PRSS12: variants seen among roughly 807,000 people sequenced by gnomAD.
The protein encoded by PRSS12 is neurotrypsin.
Under a neutral mutation model 104.4 loss-of-function variants are expected in PRSS12, and 85 were observed. The ratio of observed to expected loss-of-function variants is 0.81; its 90% confidence interval spans 0.68 to 0.98. The LOEUF (loss-of-function observed/expected upper bound fraction) is 0.98, where lower values mean the gene tolerates loss of function less well. PRSS12 is among the 50% of genes least tolerant of loss of function. The probability of loss-of-function intolerance (pLI) is 0.00; values close to 1 mark genes in which losing one functional copy is unlikely to be tolerated. For synonymous variants in PRSS12, 454 were observed against 425.2 expected (o/e 1.07, Z -0.83); for missense variants, 1,141 against 1,139.2 (o/e 1.00, Z -0.02).
Position 118,316,211 on chromosome 4 carries a change from T to G in PRSS12, c.1263A>C (p.Thr421=). ...VCDDGWTELN[T]YVVCRQLGFK... is the part of the protein sequence containing the mutation. Reference sequence around the variant, plus strand: ...ATCCCAATTGTCGACAAACCACGTATGTATTCAGCTCAGTCCAGCCATCAT... The same window carrying G: ...ATCCCAATTGTCGACAAACCACGTAGGTATTCAGCTCAGTCCAGCCATCAT... Residue 421 remains threonine (T), a synonymous_variant, in exon 6 of 13, where the codon ACA becomes ACC. Coordinates refer to ENST00000296498, the MANE Select transcript of PRSS12 (RefSeq NM_003619.4). The G allele has an allele frequency of 1.2e-6, 2 of 1,614,102 alleles. No individual in the cohort carries two copies. The highest frequency in any genetic ancestry group is 1.3e-5 in the African/African-American group (1 of 75,024).
In PRSS12 at chr4:118,352,515, G is replaced by A; in HGVS notation, c.206C>T (p.Pro69Leu). The change falls in exon 1 of 13, where the codon CCG becomes CTG. Residue 69 changes from proline to leucine, a missense_variant. Coordinates refer to ENST00000296498, the MANE Select transcript of PRSS12 (RefSeq NM_003619.4). ...CGGGCGCTGGGCAGGGAGCGCCCGC[G>A]GGGGGCGCGGGAAGCGCGGGAGAGG... ...PPPLPRFPRPPRALPAQRPHA... is the reference protein window; with the variant it reads ...PPPLPRFPRPLRALPAQRPHA... 1.4e-6 allele frequency: 2 copies of A among 1,453,748 alleles called. No individual in the cohort carries two copies. The highest frequency in any genetic ancestry group is 1.8e-6 in the Non-Finnish European group (2 of 1,099,750). The allele number at this position is 1,453,748 out of a possible 1,614,324, so 90.1% of individuals were successfully genotyped here. A position where few individuals can be genotyped will look rare whatever the true frequency, so the allele number is the denominator to read the frequency against.
chr4:118,304,278 T>C (rs1312156875), intron 8 of PRSS12, among the ~76,000 whole-genome samples: 3 of 151,638 alleles, frequency 2.0e-5, no homozygotes, highest in Non-Finnish European at 4.4e-5. Context: ...AAATACAACT[T>C]CAAGGAGAAA....
intron 7 of PRSS12, among the ~76,000 whole-genome samples, chr4:118,310,284 C>T (rs767408639): frequency 5.7e-4 from 86 of 152,110 alleles, no homozygotes; most frequent in Non-Finnish European, 1.0e-3. Context: ...AACATTTGCA[C>T]ATGAAATTAG....
Position 118,307,136 on chromosome 4 carries a change from A to G in PRSS12, c.1631+1300T>C, listed in dbSNP as rs1368931055. ...AAAAGAAGTTTAAAATTAACCACTG[A>G]CCAAATTCACTTTCACATCTAATGT... On this transcript the variant is annotated intron_variant, in intron 8 of 12. Transcript: ENST00000296498. 5.9e-5 allele frequency among the ~76,000 whole-genome samples: 9 copies of G among 152,144 alleles called. No individual in the cohort carries two copies. The East Asian group carries it at 1.7e-3, about 29-fold the overall frequency.
In PRSS12 at chr4:118,299,775, AAAATAAAATAAAATAAAAT is replaced by A. The variant is rs1393910451; in HGVS notation, c.1632-856_1632-838del. ...TAAAATAAATAAAATTAAATAAAAT[AAAATAAAATAAAATAAAAT>A]AAATAAAATAAAATAAATAAAATAA... is the stretch of plus-strand genomic sequence containing the variant. On this transcript the variant is annotated intron_variant, in intron 8 of 12. Transcript: ENST00000296498. Among the ~76,000 whole-genome samples the A allele has an allele frequency of 2.5e-3, 156 of 61,666 alleles. 1 individual carries two copies. The highest frequency in any genetic ancestry group is 0.015 in the Admixed American group (77 of 5,278). 40.5% of individuals were successfully genotyped at this position (61,666 alleles called of 152,430 possible).
chr4:118,316,432 C>T, intron 5 of PRSS12, 109 bp from the exon 6 acceptor site: 6 of 1,394,424 alleles, frequency 4.3e-6, no homozygotes, highest in African/African-American at 1.4e-5. Context: ...TCACTCTAGG[C>T]CTTTTGCTAA....
In PRSS12 at chr4:118,295,806, G is replaced by A. The variant is rs199606749; in HGVS notation, c.1888C>T (p.Arg630Trp). 56 of 1,613,936 alleles carry A rather than the reference G, an allele frequency of 3.5e-5. No homozygotes were observed. In the Admixed American group the frequency reaches 4.5e-4, roughly 13 times the overall value. The stretch of plus-strand genomic sequence containing the variant: ...AAAGAATTTTTCCCACCAATGATCC[G>A]CTTCTGCCGACGGTGCAGTAATCTC... The part of the protein sequence containing the change: ...GLRLLHRRQK[R>W]IIGGKNSLRG... The change falls in exon 10 of 13, where the codon CGG becomes TGG. Residue 630 changes from arginine to tryptophan, a missense_variant. Physicochemically the swap from Arg to Trp is moderately radical, Grantham distance 101. Transcript: ENST00000296498.
At chr4:118,316,081 G>A in intron 6 of PRSS12, 101 bp downstream of exon 6, 3 of 1,304,420 alleles carry the variant, frequency 2.3e-6, no homozygotes, top group Non-Finnish European at 3.3e-6. Flanking sequence ...GAGAGAACAG[G>A]TATTTTTATT....
In PRSS12 at chr4:118,309,278, A is replaced by G. The variant is rs184108936; in HGVS notation, c.1490-701T>C. ...GATTTGTAAAGTGTCACATATCACC[A>G]CACCAATAATTATGATTTTGAATCG... On this transcript the variant is annotated intron_variant, in intron 7 of 12. Transcript: ENST00000296498. 9.1e-4 allele frequency among the ~76,000 whole-genome samples: 138 copies of G among 152,312 alleles called. 1 individual carries two copies. Among genetic ancestry groups the G allele is most frequent in the Non-Finnish European group, 1.5e-3 (101 of 68,032 alleles).
chr4:118,332,868 T>C (rs1723964156), intron 3 of PRSS12, among the ~76,000 whole-genome samples: 1 of 152,190 alleles, frequency 6.6e-6, no homozygotes, highest in Non-Finnish European at 1.5e-5. Flanking sequence ...ATATGCCTTG[T>C]ACAAGGTGTT....
rs1560774339 is a variant in PRSS12, at chr4:118,313,295, A to T, written c.1395T>A (p.Cys465Ter). 5 of 1,614,036 alleles carry T rather than the reference A, an allele frequency of 3.1e-6. No individual in the cohort carries two copies. The highest frequency in any genetic ancestry group is 4.2e-6 in the Non-Finnish European group (5 of 1,179,986). The change falls in exon 7 of 13, where the codon TGT (cysteine) becomes TGA (stop). Residue 465 changes from cysteine (C) to a stop codon, truncating the protein, a stop_gained. Coordinates refer to ENST00000296498, the MANE Select transcript of PRSS12 (RefSeq NM_003619.4). LOFTEE classifies it high-confidence loss of function. Reference protein sequence around the residue: ...CSGKETRFLQCSRRQWGRHDC... With the variant: ...CSGKETRFLQ ...CATGCCTTCCCCACTGTCGCCTGGA[A>T]CACTGAAGAAATCTGGTTTCCTTTC...
At chr4:118,307,470 C>A (rs2126031881) in intron 8 of PRSS12, among the ~76,000 whole-genome samples, 1 of 152,216 alleles carries the variant, frequency 6.6e-6, no homozygotes, top group South Asian at 2.1e-4. Flanking sequence ...ATCCAAATTA[C>A]TATTAGTAAT....
At position 118,282,295 on chromosome 4, in the gene PRSS12, T is replaced by A. The variant is rs115945024; in HGVS notation, c.2321-52A>T. ...GGCATTCCAGATAACCATCGCAACA[T>A]TTAACAGTTACTGAGCATGTAATAG... On this transcript the variant is annotated intron_variant, in intron 12 of 12. Coordinates refer to ENST00000296498, the MANE Select transcript of PRSS12 (RefSeq NM_003619.4). The A allele has an allele frequency of 7.9e-4, 1,259 of 1,600,374 alleles. 13 individuals carry two copies. In the African/African-American group the frequency reaches 0.016, roughly 20 times the overall value.
chr4:118,324,947 G>T lies in PRSS12; in HGVS notation c.972-6391C>A, dbSNP rs1451761392. Among the ~76,000 whole-genome samples, 3 of 152,026 alleles carry T rather than the reference G, an allele frequency of 2.0e-5. No individual in the cohort carries two copies. The East Asian group carries it at 5.8e-4, about 29-fold the overall frequency. On this transcript the variant is annotated intron_variant, in intron 4 of 12. Coordinates refer to ENST00000296498, the MANE Select transcript of PRSS12 (RefSeq NM_003619.4). ...GCTGGTCTCGAACTCCTGACATTGT[G>T]ATCCACCCGCCTCAGCCTCCCAAAG...
intron 8 of PRSS12, among the ~76,000 whole-genome samples, chr4:118,299,946 G>A (rs185556756): frequency 1.1e-4 from 16 of 148,012 alleles, no homozygotes; most frequent in Admixed American, 2.0e-4. Flanking sequence ...ACGCCGTTGC[G>A]CTCCAGCCTG....
chr4:118,300,636 G>T (rs1743383305), intron 8 of PRSS12, among the ~76,000 whole-genome samples: 1 of 151,226 alleles, frequency 6.6e-6, no homozygotes, highest in Admixed American at 6.6e-5. Context: ...GGACATAGAG[G>T]GTATAAACTA....
intron 8 of PRSS12, among the ~76,000 whole-genome samples, chr4:118,300,543 A>T (rs925768808): frequency 2.6e-5 from 4 of 152,244 alleles, no homozygotes; most frequent in African/African-American, 9.6e-5. Flanking sequence ...TTAATGAAAT[A>T]GTTATCAGAA....
intron 1 of PRSS12, among the ~76,000 whole-genome samples, chr4:118,340,259 G>C (rs977866213): frequency 6.6e-6 from 1 of 152,182 alleles, no homozygotes; most frequent in African/African-American, 2.4e-5. Flanking sequence ...GTGAAAGCCT[G>C]GATTCATTTA....
chr4:118,304,863 AG>A (rs1345201581), intron 8 of PRSS12, among the ~76,000 whole-genome samples: 1 of 151,868 alleles, frequency 6.6e-6, no homozygotes, highest in East Asian at 1.9e-4. Flanking sequence ...CATTATGAAA[AG>A]GCTTTCTAAT....
Sources: gnomAD v4.1 joint callset for allele counts (sites outside exome capture counted in the v4.1 genomes callset) on GRCh38, gnomAD v4.1.1 for gene constraint, MANE v1.5 for transcripts, NCBI Gene and HGNC (gene_info 2026-07-23, HGNC 2026-07-21) for gene names.